The following ADK variants were observed in gnomAD, a reference collection of about 807,000 sequenced individuals.
ADK encodes adenosine kinase, also known as N6,N6-dimethyladenosine kinase.
Under a neutral mutation model 44.7 loss-of-function variants are expected in ADK, and 24 were observed. That is an observed-to-expected ratio of 0.54 (90% CI 0.39 to 0.76). The LOEUF (loss-of-function observed/expected upper bound fraction) is 0.76. Ranked by LOEUF, ADK falls within the 30% of genes least tolerant of loss-of-function variation. The pLI is 0.00. For missense variants in ADK, 321 were observed against 425.1 expected (o/e 0.76, Z 2.15); for synonymous variants, 128 against 142.6 (o/e 0.90, Z 0.73).
intron 3 of ADK, among the ~76,000 whole-genome samples, chr10:74,235,301 A>G (rs1350018721): frequency 6.6e-6 from 1 of 152,092 alleles, no homozygotes; most frequent in Non-Finnish European, 1.5e-5. Flanking sequence ...ATTGCAGGAA[A>G]ACATTCTTGA....
chr10:74,597,528 C>T (rs951977594), intron 8 of ADK, among the ~76,000 whole-genome samples: 4 of 152,160 alleles, frequency 2.6e-5, no homozygotes, highest in African/African-American at 7.2e-5. Context: ...GACAGTTCCT[C>T]ACTCTTGTTG....
intron 9 of ADK, among the ~76,000 whole-genome samples, chr10:74,667,894 G>A (rs1855021554): frequency 6.6e-6 from 1 of 152,050 alleles, no homozygotes; most frequent in Non-Finnish European, 1.5e-5. Context: ...ATTAGGTTCT[G>A]TTCATAAATA....
At chr10:74,174,336 A>C (rs866110676) in intron 1 of ADK, 1 of 151,460 alleles carries the variant, frequency 6.6e-6, no homozygotes. Context: ...AAAAAAAAAA[A>C]AAGAACCAGC....
intron 7 of ADK, among the ~76,000 whole-genome samples, chr10:74,532,033 A>G (rs1418265104): frequency 2.0e-5 from 3 of 152,260 alleles, no homozygotes; most frequent in Admixed American, 1.3e-4. Flanking sequence ...AAATAATTTT[A>G]GCACATCAAA....
chr10:74,686,361 T>C (rs1235827267), intron 10 of ADK, among the ~76,000 whole-genome samples: 2 of 152,170 alleles, frequency 1.3e-5, no homozygotes, highest in African/African-American at 4.8e-5. Flanking sequence ...GTCAATGTGA[T>C]AGTATTAAGA....
chr10:74,613,122 T>A (rs1038449050), intron 9 of ADK, among the ~76,000 whole-genome samples: 1 of 152,112 alleles, frequency 6.6e-6, no homozygotes, highest in Non-Finnish European at 1.5e-5. Flanking sequence ...CCCTGCCTTC[T>A]TAAAAGCACC....
At chr10:74,601,148 A>G (rs1852104993) in intron 9 of ADK, among the ~76,000 whole-genome samples, 1 of 152,114 alleles carries the variant, frequency 6.6e-6, no homozygotes. Context: ...ACTGAAATAT[A>G]AAATAGGAAC....
At chr10:74,383,386 G>GTCTGTCTCTGTC (rs57151626) in intron 4 of ADK, among the ~76,000 whole-genome samples, 89,866 of 150,276 alleles carry the variant, frequency 0.6, 27,834 homozygotes, top group Middle Eastern at 0.75. Flanking sequence ...TAGTCAGTCT[G>GTCTGTCTCTGTC]TCTGTCTCTG....
intron 10 of ADK, among the ~76,000 whole-genome samples, 200 bp from the exon 11 acceptor site, chr10:74,708,121 G>A (rs1223933520): frequency 2.8e-5 from 4 of 143,830 alleles, no homozygotes; most frequent in African/African-American, 7.9e-5. Flanking sequence ...CTGTACTCCA[G>A]CCTGCGTGAC....
chr10:74,503,930 T>C (rs1269432171), intron 6 of ADK, among the ~76,000 whole-genome samples: 2 of 152,160 alleles, frequency 1.3e-5, no homozygotes. Flanking sequence ...CTTACTTTGC[T>C]CTCCAGAATC....
chr10:74,680,269 C>T (rs1234931319), intron 10 of ADK, among the ~76,000 whole-genome samples: 1 of 145,894 alleles, frequency 6.9e-6, no homozygotes, highest in African/African-American at 2.5e-5. Flanking sequence ...GAGCCGAGAT[C>T]GCACCACTGC....
intron 8 of ADK, among the ~76,000 whole-genome samples, chr10:74,589,560 G>T (rs1321858749): frequency 2.0e-5 from 3 of 152,068 alleles, no homozygotes; most frequent in Non-Finnish European, 4.4e-5. Flanking sequence ...AAAGCCTCTT[G>T]GGAAGCCAAG....
chr10:74,288,365 A>G (rs555838455), intron 3 of ADK, among the ~76,000 whole-genome samples: 1 of 152,256 alleles, frequency 6.6e-6, no homozygotes, highest in South Asian at 2.1e-4. Context: ...AAAAGTGAAC[A>G]TAGGCTGAGC....
chr10:74,283,618 T>C (rs949062260), intron 3 of ADK, among the ~76,000 whole-genome samples: 2 of 150,414 alleles, frequency 1.3e-5, no homozygotes, highest in African/African-American at 4.9e-5. Flanking sequence ...TTTATGTTTG[T>C]TGCCCTCATC....
intron 1 of ADK, among the ~76,000 whole-genome samples, chr10:74,194,068 G>A (rs1343084902): frequency 6.6e-6 from 1 of 151,962 alleles, no homozygotes; most frequent in Non-Finnish European, 1.5e-5. Context: ...TTTCTACATT[G>A]TTAACAGCAC....
intron 9 of ADK, among the ~76,000 whole-genome samples, chr10:74,612,007 G>C (rs1852566195): frequency 6.6e-6 from 1 of 152,126 alleles, no homozygotes; most frequent in South Asian, 2.1e-4. Flanking sequence ...GGGGTTGTTG[G>C]ATTGAATGGT....
At chr10:74,676,516 A>G (rs1361312923) in intron 10 of ADK, among the ~76,000 whole-genome samples, 4 of 152,048 alleles carry the variant, frequency 2.6e-5, no homozygotes, top group Admixed American at 2.6e-4. Flanking sequence ...TCACTCTGTC[A>G]CCTAGGCTGG....
intron 3 of ADK, among the ~76,000 whole-genome samples, chr10:74,264,932 A>C (rs944809445): frequency 1.3e-5 from 2 of 152,102 alleles, no homozygotes; most frequent in Non-Finnish European, 1.5e-5. Context: ...ATTTGTCCCT[A>C]TACCAATGTT....
intron 6 of ADK, among the ~76,000 whole-genome samples, chr10:74,510,950 C>T (rs776358548): frequency 5.3e-5 from 8 of 152,158 alleles, no homozygotes; most frequent in Non-Finnish European, 8.8e-5. Flanking sequence ...TCAAGAGATC[C>T]ACCTGCCTTG....
Sources: gnomAD v4.1 joint callset for allele counts (sites outside exome capture counted in the v4.1 genomes callset) on GRCh38, gnomAD v4.1.1 for gene constraint, MANE v1.5 for transcripts, NCBI Gene and HGNC (gene_info 2026-07-23, HGNC 2026-07-21) for gene names.